TMEM108: variants seen among roughly 807,000 people sequenced by gnomAD.
The protein encoded by TMEM108 is transmembrane protein 108.
In TMEM108, 12 loss-of-function variants were observed where a neutral mutation model predicts 35.1. That is an observed-to-expected ratio of 0.34 (90% CI 0.22 to 0.55). The LOEUF (loss-of-function observed/expected upper bound fraction) is 0.55, where lower values mean the gene tolerates loss of function less well. Among genes scored for constraint, TMEM108 ranks in the 20% least tolerant of loss-of-function variants. TMEM108 has a pLI of 0.89. For synonymous variants in TMEM108, 287 were observed against 308.6 expected, an observed-to-expected ratio of 0.93 and a Z score of 0.73; for missense variants, 680 against 753.3, an observed-to-expected ratio of 0.90 and a Z score of 1.14.
At chr3:133,138,455 C>T (rs1200083193) in intron 2 of TMEM108, among the ~76,000 whole-genome samples, 1 of 152,090 alleles carries the variant, frequency 6.6e-6, no homozygotes, top group African/African-American at 2.4e-5. Context: ...GAATGTGGCC[C>T]AACACAAATC....
intron 2 of TMEM108, among the ~76,000 whole-genome samples, chr3:133,170,411 AGGAT>A (rs1945112727): frequency 6.6e-6 from 1 of 152,242 alleles, no homozygotes; most frequent in South Asian, 2.1e-4. Flanking sequence ...TGTAAACTCT[AGGAT>A]CTCCCAACTC....
intron 3 of TMEM108, among the ~76,000 whole-genome samples, chr3:133,330,392 T>C (rs1199748350): frequency 6.6e-6 from 1 of 152,002 alleles, no homozygotes; most frequent in Non-Finnish European, 1.5e-5. Flanking sequence ...CAAAGATGGG[T>C]GTGGGTTTGG....
chr3:133,387,204 G>A (rs748126277), intron 4 of TMEM108: 14 of 985,340 alleles, frequency 1.4e-5, no homozygotes, highest in Non-Finnish European at 1.7e-5. Context: ...TCCATTGTGT[G>A]TCAGGCATTG....
chr3:133,104,806 C>T (rs971767804), intron 2 of TMEM108, among the ~76,000 whole-genome samples: 1 of 152,164 alleles, frequency 6.6e-6, no homozygotes, highest in African/African-American at 2.4e-5. Context: ...CATTTCCTTG[C>T]CCACACTGTG....
chr3:133,162,720 TA>T (rs1268255687), intron 2 of TMEM108, among the ~76,000 whole-genome samples: 1 of 152,228 alleles, frequency 6.6e-6, no homozygotes, highest in Non-Finnish European at 1.5e-5. Context: ...GCTTCATTAA[TA>T]CACTGCTTCA....
At chr3:133,158,520 G>A (rs574711638) in intron 2 of TMEM108, among the ~76,000 whole-genome samples, 92 of 148,340 alleles carry the variant, frequency 6.2e-4, no homozygotes, top group African/African-American at 2.2e-3. Context: ...GACGTAGGTC[G>A]ACTTAAGGAA....
intron 4 of TMEM108, among the ~76,000 whole-genome samples, chr3:133,383,610 A>G (rs2073070488): frequency 6.6e-6 from 1 of 152,168 alleles, no homozygotes; most frequent in Non-Finnish European, 1.5e-5. Context: ...TAAGCTTGAA[A>G]TTAGATCAGA....
At chr3:133,359,826 C>T (rs536368091) in intron 3 of TMEM108, among the ~76,000 whole-genome samples, 1 of 152,196 alleles carries the variant, frequency 6.6e-6, no homozygotes, top group South Asian at 2.1e-4. Context: ...CCCAGAGTTC[C>T]ATCTCTAGGT....
chr3:133,261,860 A>G (rs996539261), intron 3 of TMEM108, among the ~76,000 whole-genome samples: 1 of 152,192 alleles, frequency 6.6e-6, no homozygotes, highest in Admixed American at 6.5e-5. Context: ...AATATGTTAT[A>G]GTTAGCTCAG....
chr3:133,201,236 T>A (rs1158354853), intron 2 of TMEM108, among the ~76,000 whole-genome samples: 1 of 152,154 alleles, frequency 6.6e-6, no homozygotes, highest in Non-Finnish European at 1.5e-5. Context: ...ATCCCCACTC[T>A]GATTTCTTTG....
At chr3:133,184,062 A>G (rs1945385870) in intron 2 of TMEM108, among the ~76,000 whole-genome samples, 1 of 152,164 alleles carries the variant, frequency 6.6e-6, no homozygotes, top group Non-Finnish European at 1.5e-5. Context: ...CAGCCTGCGT[A>G]ACTCCCAACT....
intron 2 of TMEM108, among the ~76,000 whole-genome samples, chr3:133,134,866 T>C (rs1051539861): frequency 6.6e-6 from 1 of 152,176 alleles, no homozygotes; most frequent in African/African-American, 2.4e-5. Context: ...AATTGATAAG[T>C]CTTTCTTCCT....
chr3:133,312,163 T>TAC (rs1184268325), intron 3 of TMEM108, among the ~76,000 whole-genome samples: 2 of 152,188 alleles, frequency 1.3e-5, no homozygotes, highest in Non-Finnish European at 2.9e-5. Context: ...CTGGGAGGTA[T>TAC]CTCCCAGTTA....
At chr3:133,136,250 T>C (rs916200085) in intron 2 of TMEM108, among the ~76,000 whole-genome samples, 1 of 152,216 alleles carries the variant, frequency 6.6e-6, no homozygotes, top group African/African-American at 2.4e-5. Context: ...TTGTTTTGTG[T>C]CTGTTTTTAT....
intron 2 of TMEM108, among the ~76,000 whole-genome samples, chr3:133,101,684 A>G (rs1944089815): frequency 6.6e-6 from 1 of 152,260 alleles, no homozygotes; most frequent in South Asian, 2.1e-4. Flanking sequence ...TTTTACATAC[A>G]TCTCTTAAAA....
At chr3:133,282,387 A>G (rs1028956245) in intron 3 of TMEM108, among the ~76,000 whole-genome samples, 4 of 152,222 alleles carry the variant, frequency 2.6e-5, no homozygotes, top group Non-Finnish European at 5.9e-5. Context: ...TTAAAGCTAC[A>G]TGGAGCTCCC....
chr3:133,059,519 A>G (rs1221223398), intron 2 of TMEM108, among the ~76,000 whole-genome samples: 4 of 152,172 alleles, frequency 2.6e-5, no homozygotes, highest in Non-Finnish European at 5.9e-5. Flanking sequence ...AGGAAACATG[A>G]GCTCCACTTT....
intron 2 of TMEM108, among the ~76,000 whole-genome samples, chr3:133,216,279 G>C (rs773452221): frequency 2.6e-5 from 4 of 151,958 alleles, no homozygotes; most frequent in Non-Finnish European, 5.9e-5. Flanking sequence ...ATATATGACT[G>C]TCCCACTTAA....
chr3:133,216,536 A>C (rs750996039), intron 2 of TMEM108, among the ~76,000 whole-genome samples: 14 of 152,140 alleles, frequency 9.2e-5, no homozygotes, highest in Admixed American at 7.9e-4. Context: ...TATACAATAA[A>C]TCTTTTGAAT....
Sources: allele counts gnomAD v4.1 joint callset (sites outside exome capture counted in the v4.1 genomes callset), GRCh38; gene constraint gnomAD v4.1.1; transcripts MANE v1.5; gene names NCBI Gene and HGNC (gene_info 2026-07-23, HGNC 2026-07-21).